Variants in ACVR1B observed in about 807,000 individuals in gnomAD.
The protein encoded by ACVR1B is activin receptor type-1B.
Under a neutral mutation model 55.6 loss-of-function variants are expected in ACVR1B, and 15 were observed. The observed-to-expected ratio is 0.27, with a 90% CI of 0.18 to 0.42. ACVR1B has a LOEUF of 0.42. Ranked by LOEUF, ACVR1B falls within the 10% of genes least tolerant of loss-of-function variation. The probability of loss-of-function intolerance (pLI) is 1.00; values close to 1 mark genes in which losing one functional copy is unlikely to be tolerated. For missense variants in ACVR1B, 359 were observed against 670.1 expected (o/e 0.54, Z 5.13); for synonymous variants, 247 against 254.6 (o/e 0.97, Z 0.28).
rs1349802037 is a variant in ACVR1B, at chr12:51,995,571, A to T, written c.*1461A>T. ...TGGAGTGGTTTGATTTCTTTTTTTA[A>T]TTTTATTGGGAGGGTTTGGATTTTA... On this transcript the variant is annotated 3_prime_UTR_variant, in exon 9 of 9. Transcript: ENST00000257963. 1 of 152,256 alleles carries T rather than the reference A, an allele frequency of 6.6e-6. No homozygotes were observed. The highest frequency in any genetic ancestry group is 1.5e-5 in the Non-Finnish European group (1 of 67,962). 9.4% of individuals were successfully genotyped at this position (152,256 alleles called of 1,614,324 possible).
At position 51,983,981 on chromosome 12, in the gene ACVR1B, A is replaced by G; in HGVS notation, c.812-18A>G. 6.2e-7 allele frequency: 1 copy of G among 1,614,100 alleles called. No individual in the cohort carries two copies. The highest frequency in any genetic ancestry group is 1.1e-5 in the South Asian group (1 of 91,074). Reference sequence around the variant, plus strand: ...GATAGTTACACTTTTTCTGGGACTCATCTGTGGTTCTCTGCAGATAATGGC... The same window carrying G: ...GATAGTTACACTTTTTCTGGGACTCGTCTGTGGTTCTCTGCAGATAATGGC... On this transcript the variant is annotated intron_variant, in intron 4 of 8. Transcript: ENST00000257963.
chr12:51,957,687 G>A (rs1941441355), intron 1 of ACVR1B, among the ~76,000 whole-genome samples: 1 of 152,140 alleles, frequency 6.6e-6, no homozygotes, highest in African/African-American at 2.4e-5. Flanking sequence ...TTACAGGCCT[G>A]AGCTACCATG....
chr12:51,994,331 A>T lies in ACVR1B; in HGVS notation c.*221A>T. On this transcript the variant is annotated 3_prime_UTR_variant, in exon 9 of 9. Transcript: ENST00000257963. The surrounding 1 kb of genome is among the most constrained non-coding windows in gnomAD (Gnocchi z 4.2). ...ACCTCCTAATGGCATGGAGACTCTGAGAGCGAATTGTGTGGAGAACTCAGT... is the reference window on the plus strand; with the variant it reads ...ACCTCCTAATGGCATGGAGACTCTGTGAGCGAATTGTGTGGAGAACTCAGT... 3.7e-6 allele frequency: 2 copies of T among 537,146 alleles called. No homozygotes were observed. The highest frequency in any genetic ancestry group is 2.1e-5 in the South Asian group (1 of 46,514). 33.3% of individuals were successfully genotyped at this position (537,146 alleles called of 1,614,324 possible). A position where few individuals can be genotyped will look rare whatever the true frequency, so the allele number is the denominator to read the frequency against.
intron 7 of ACVR1B, among the ~76,000 whole-genome samples, chr12:51,989,409 C>T (rs1565622663): frequency 1.3e-5 from 2 of 151,894 alleles, no homozygotes; most frequent in Non-Finnish European, 1.5e-5. Flanking sequence ...CTCAGCCTCC[C>T]GAGTAGCTGG....
At chr12:51,958,320 G>A (rs770395517) in intron 1 of ACVR1B, among the ~76,000 whole-genome samples, 10 of 152,150 alleles carry the variant, frequency 6.6e-5, no homozygotes, top group Non-Finnish European at 1.0e-4. Flanking sequence ...GACTGGTTTC[G>A]TGGAAGATAA....
intron 5 of ACVR1B, among the ~76,000 whole-genome samples, chr12:51,984,544 C>T (rs1049098772): frequency 1.3e-5 from 2 of 152,186 alleles, no homozygotes; most frequent in African/African-American, 2.4e-5. Flanking sequence ...TTTCCATGTT[C>T]ATTGATGGGG....
rs929434982 is a variant in ACVR1B at position 51,986,911 on chromosome 12, T to C, written c.1230T>C (p.Tyr410=). 2 of 1,614,152 alleles carry C rather than the reference T, an allele frequency of 1.2e-6. No homozygotes were observed. Among genetic ancestry groups the C allele is most frequent in the East Asian group, 2.2e-5 (1 of 44,908 alleles). The change falls in exon 7 of 9, where the codon TAT becomes TAC. Residue 410 remains tyrosine, a synonymous_variant. Transcript: ENST00000257963. ...CADIYALGLV[Y]WEIARRCNSG... ...ATATTTATGCCCTCGGGCTTGTATA[T>C]TGGGAGATTGCTCGAAGATGCAATT...
intron 3 of ACVR1B, among the ~76,000 whole-genome samples, chr12:51,979,781 G>T (rs1390899142): frequency 1.3e-5 from 2 of 152,102 alleles, no homozygotes; most frequent in Non-Finnish European, 2.9e-5. Flanking sequence ...AAGGAATTCT[G>T]GCAGTGGTGT....
chr12:51,981,848 CA>C (rs11321510), intron 4 of ACVR1B, among the ~76,000 whole-genome samples: 56,636 of 127,960 alleles, frequency 0.44, 13,022 homozygotes, highest in African/African-American at 0.67. Context: ...GACTCCGTCT[CA>C]AAAAAAAAAA....
chr12:51,972,643 G>T (rs1592250645), intron 1 of ACVR1B, among the ~76,000 whole-genome samples: 1 of 152,174 alleles, frequency 6.6e-6, no homozygotes, highest in Non-Finnish European at 1.5e-5. Context: ...AGGTCATGTG[G>T]TTAATATTAA....
At chr12:51,984,219 A>G (rs1942036188) in intron 5 of ACVR1B, 53 bp downstream of exon 5, 1 of 1,599,970 alleles carries the variant, frequency 6.3e-7, no homozygotes, top group Non-Finnish European at 8.5e-7. Flanking sequence ...AAAGGTCCGC[A>G]GTGTCCTGAT....
intron 7 of ACVR1B, 100 bp from the exon 8 acceptor site, chr12:51,991,763 G>A: frequency 7.9e-7 from 1 of 1,263,122 alleles, no homozygotes; most frequent in South Asian, 1.5e-5. Context: ...ACCTTAGGGG[G>A]TAGTGGTATT....
rs1472855502 is a variant in ACVR1B, at chr12:51,995,919, T to G, written c.*1809T>G. On this transcript the variant is annotated 3_prime_UTR_variant, in exon 9 of 9. Transcript: ENST00000257963. ...TCTCCAGGCATTTATTCAACAAATG[T>G]GGGTGAAGTGCCTGCTGGGTGCCAG... The G allele has an allele frequency of 6.6e-6, 1 of 152,660 alleles. No homozygotes were observed. The highest frequency in any genetic ancestry group is 1.5e-5 in the Non-Finnish European group (1 of 68,100). The allele number at this position is 152,660 out of a possible 1,614,324, so 9.5% of individuals were successfully genotyped here.
At chr12:51,966,920 A>G (rs1301084027) in intron 1 of ACVR1B, among the ~76,000 whole-genome samples, 1 of 152,258 alleles carries the variant, frequency 6.6e-6, no homozygotes, top group African/African-American at 2.4e-5. Flanking sequence ...TGCAATATCA[A>G]TGACAAAAAA....
intron 3 of ACVR1B, 112 bp from the exon 4 acceptor site, chr12:51,980,857 C>A: frequency 1.2e-6 from 1 of 846,210 alleles, no homozygotes; most frequent in Non-Finnish European, 1.8e-6. Context: ...TAATGGACAG[C>A]GTAGGATGAA....
intron 6 of ACVR1B, among the ~76,000 whole-genome samples, chr12:51,986,404 G>A (rs558284411): frequency 2.6e-5 from 4 of 152,242 alleles, no homozygotes; most frequent in African/African-American, 7.2e-5. Flanking sequence ...GATTACAGGC[G>A]CCTGCCACCA....
intron 1 of ACVR1B, among the ~76,000 whole-genome samples, chr12:51,956,902 G>A (rs1455107696): frequency 6.6e-6 from 1 of 151,800 alleles, no homozygotes; most frequent in Non-Finnish European, 1.5e-5. Context: ...TGAGACCTCA[G>A]GTGTACACCA....
Position 51,987,430 on chromosome 12 carries a change from G to A in ACVR1B, c.1261+488G>A, listed in dbSNP as rs553439432. 3.2e-5 allele frequency: 12 copies of A among 376,232 alleles called. No homozygotes were observed. The Middle Eastern group carries it at 3.1e-3, about 96-fold the overall frequency. The allele number at this position is 376,232 out of a possible 1,614,324, so 23.3% of individuals were successfully genotyped here. A position where few individuals can be genotyped will look rare whatever the true frequency, so the allele number is the denominator to read the frequency against. On this transcript the variant is annotated intron_variant, in intron 7 of 8. Coordinates refer to ENST00000257963, the MANE Select transcript of ACVR1B (RefSeq NM_004302.5). Reference sequence around the variant, plus strand: ...GTTTTTTCTCCCATAGTTAAAAATCGTTGGCATTTGCAGCTGCTTATTCAT... The same window carrying A: ...GTTTTTTCTCCCATAGTTAAAAATCATTGGCATTTGCAGCTGCTTATTCAT...
chr12:51,974,268 G>A (rs1402807704), intron 1 of ACVR1B, among the ~76,000 whole-genome samples: 1 of 152,220 alleles, frequency 6.6e-6, no homozygotes, highest in Non-Finnish European at 1.5e-5. Context: ...AGAGGTCAGA[G>A]CTAGGTTAGT....
Sources: gnomAD v4.1 joint callset for allele counts (sites outside exome capture counted in the v4.1 genomes callset) on GRCh38, gnomAD v4.1.1 for gene constraint, Gnocchi (gnomAD v3.1) non-coding constraint, MANE v1.5 for transcripts, NCBI Gene and HGNC (gene_info 2026-07-23, HGNC 2026-07-21) for gene names.